CCDC178: variants seen among roughly 807,000 people sequenced by gnomAD.
CCDC178 encodes the protein coiled-coil domain-containing protein 178.
In CCDC178, 126 loss-of-function variants were observed where a neutral mutation model predicts 117.4. The observed-to-expected ratio is 1.07, with a 90% confidence interval of 0.93 to 1.24. The LOEUF is 1.24. Among genes scored for constraint, CCDC178 ranks in the 50% most tolerant of loss-of-function variants. The pLI is 0.00. For missense variants in CCDC178, 1,030 were observed against 986.9 expected (o/e 1.04, Z -0.59); for synonymous variants, 283 against 313.4 (o/e 0.90, Z 1.02).
At chr18:33,302,932 G>C (rs569346577) in intron 11 of CCDC178, among the ~76,000 whole-genome samples, 53 of 152,252 alleles carry the variant, frequency 3.5e-4, no homozygotes, top group African/African-American at 1.3e-3. Flanking sequence ...GAAGGAATAA[G>C]TTCTAGTGTT....
chr18:33,319,327 T>A (rs1434734848), intron 11 of CCDC178, among the ~76,000 whole-genome samples: 1 of 152,064 alleles, frequency 6.6e-6, no homozygotes, highest in Non-Finnish European at 1.5e-5. Flanking sequence ...TTGCGGAGAA[T>A]GATGGTTTCC....
chr18:32,956,458 G>A (rs567120243), intron 22 of CCDC178, among the ~76,000 whole-genome samples: 64 of 152,162 alleles, frequency 4.2e-4, no homozygotes, highest in African/African-American at 1.2e-3. Flanking sequence ...AAAAACATAC[G>A]AAATGAAATC....
chr18:33,295,927 T>C (rs1210802951), intron 11 of CCDC178, among the ~76,000 whole-genome samples: 3 of 152,170 alleles, frequency 2.0e-5, no homozygotes, highest in Admixed American at 2.0e-4. Flanking sequence ...AATCACACTT[T>C]TTGATATTTA....
At chr18:33,030,786 T>C (rs1211295385) in intron 21 of CCDC178, among the ~76,000 whole-genome samples, 1 of 151,706 alleles carries the variant, frequency 6.6e-6, no homozygotes. Flanking sequence ...GATAAGAAGA[T>C]AGATAGATAG....
intron 21 of CCDC178, among the ~76,000 whole-genome samples, chr18:32,991,765 T>C (rs751986274): frequency 2.6e-5 from 4 of 152,174 alleles, no homozygotes; most frequent in East Asian, 3.9e-4. Context: ...TTTCACCCTT[T>C]ATCTTGAGTT....
intron 21 of CCDC178, among the ~76,000 whole-genome samples, chr18:33,030,211 A>G (rs1416783494): frequency 2.6e-5 from 4 of 152,080 alleles, no homozygotes; most frequent in African/African-American, 7.2e-5. Context: ...AGCACTTTAT[A>G]ATGATAAAAT....
At chr18:33,303,458 ATC>A (rs2062206391) in intron 11 of CCDC178, among the ~76,000 whole-genome samples, 1 of 152,212 alleles carries the variant, frequency 6.6e-6, no homozygotes, top group African/African-American at 2.4e-5. Context: ...TAGAATGTAC[ATC>A]ATGAGTGAGC....
At chr18:33,246,764 C>A (rs1224515939) in intron 14 of CCDC178, among the ~76,000 whole-genome samples, 1 of 151,714 alleles carries the variant, frequency 6.6e-6, no homozygotes, top group Non-Finnish European at 1.5e-5. Flanking sequence ...AAGGATCATT[C>A]ACTGACTGGG....
intron 20 of CCDC178, among the ~76,000 whole-genome samples, chr18:33,119,123 T>C (rs911216889): frequency 1.3e-5 from 2 of 152,048 alleles, no homozygotes; most frequent in African/African-American, 2.4e-5. Context: ...AGGACATAGG[T>C]ATGTGCAAGG....
At chr18:33,309,092 T>C (rs940731308) in intron 11 of CCDC178, among the ~76,000 whole-genome samples, 1 of 152,158 alleles carries the variant, frequency 6.6e-6, no homozygotes, top group Non-Finnish European at 1.5e-5. Flanking sequence ...ATAATTATTT[T>C]ATATTTATAT....
At chr18:33,284,791 C>T (rs57082165) in intron 12 of CCDC178, among the ~76,000 whole-genome samples, 12,086 of 151,998 alleles carry the variant, frequency 0.08, 774 homozygotes, top group African/African-American at 0.18. Context: ...GGGCAGATCC[C>T]GACTGGAATA....
At position 33,179,078 on chromosome 18, in the gene CCDC178, A is replaced by AATATATATATAT. The variant is rs1555656270; in HGVS notation, c.2238+32806_2238+32817dup. On this transcript the variant is annotated intron_variant, in intron 20 of 22. Transcript: ENST00000383096. ...ACTCAGTAAAAAAAAAAAAAAAAAA[A>AATATATATATAT]ATATATATATATATATATATATATA... Among the ~76,000 whole-genome samples, 25 of 55,814 alleles carry AATATATATATAT rather than the reference A, an allele frequency of 4.5e-4. 1 individual carries two copies. Among genetic ancestry groups the AATATATATATAT allele is most frequent in the Admixed American group, 1.0e-3 (4 of 3,884 alleles). 36.6% of individuals were successfully genotyped at this position (55,814 alleles called of 152,430 possible). A position where few individuals can be genotyped will look rare whatever the true frequency, so the allele number is the denominator to read the frequency against.
intron 14 of CCDC178, among the ~76,000 whole-genome samples, chr18:33,248,030 C>T (rs144679103): frequency 6.6e-6 from 1 of 151,482 alleles, no homozygotes; most frequent in African/African-American, 2.4e-5. Context: ...ATTGTGAGTA[C>T]TGAACATTAT....
At chr18:33,331,416 A>T (rs996471584) in intron 10 of CCDC178, among the ~76,000 whole-genome samples, 4 of 152,038 alleles carry the variant, frequency 2.6e-5, no homozygotes, top group African/African-American at 9.7e-5. Flanking sequence ...TTCATGCTGT[A>T]AAATGGAAGT....
At chr18:33,388,883 C>T (rs1056989041) in intron 5 of CCDC178, among the ~76,000 whole-genome samples, 3 of 152,070 alleles carry the variant, frequency 2.0e-5, no homozygotes, top group Admixed American at 1.3e-4. Context: ...CAAACTAACG[C>T]AGGAACAGAA....
rs115482862 is a variant in CCDC178, at chr18:33,389,478, C to T, written c.208+62G>A. 214 of 706,214 alleles carry T rather than the reference C, an allele frequency of 3.0e-4. No individual in the cohort carries two copies. The African/African-American group carries it at 3.7e-3, about 12-fold the overall frequency. The allele number at this position is 706,214 out of a possible 1,614,324, so 43.7% of individuals were successfully genotyped here. ...ATAGAAATAGTATTGACATTATAGA[C>T]TAATGAGATAATATAAATATAGTTT... On this transcript the variant is annotated intron_variant, in intron 5 of 22. Coordinates refer to ENST00000383096, the MANE Select transcript of CCDC178 (RefSeq NM_001105528.4).
chr18:33,287,764 G>A (rs751721567), intron 12 of CCDC178, among the ~76,000 whole-genome samples: 1 of 151,996 alleles, frequency 6.6e-6, no homozygotes, highest in African/African-American at 2.4e-5. Context: ...GGGCAACAGA[G>A]AGAGACACCG....
intron 20 of CCDC178, among the ~76,000 whole-genome samples, chr18:33,145,439 G>A (rs1186699820): frequency 6.6e-6 from 1 of 152,010 alleles, no homozygotes; most frequent in Non-Finnish European, 1.5e-5. Flanking sequence ...GAATATCCTT[G>A]TCCTCTTCAA....
At chr18:33,233,396 A>G (rs780091471) in intron 15 of CCDC178, among the ~76,000 whole-genome samples, 2 of 152,060 alleles carry the variant, frequency 1.3e-5, no homozygotes, top group Non-Finnish European at 2.9e-5. Context: ...ACTTTTTTTC[A>G]TAAAATAAGT....
Sources: gnomAD v4.1 joint callset for allele counts (sites outside exome capture counted in the v4.1 genomes callset) on GRCh38, gnomAD v4.1.1 for gene constraint, MANE v1.5 for transcripts, NCBI Gene and HGNC (gene_info 2026-07-23, HGNC 2026-07-21) for gene names.